RUSC2: variants seen among roughly 807,000 people sequenced by gnomAD.
The protein encoded by RUSC2 is RUN and SH3 domain containing 2.
In RUSC2, 34 loss-of-function variants were observed where a neutral mutation model predicts 122.2. That is an observed-to-expected ratio of 0.28 (90% confidence interval 0.21 to 0.37). The LOEUF (loss-of-function observed/expected upper bound fraction) is 0.37, where lower values mean the gene tolerates loss of function less well. Among genes scored for constraint, RUSC2 ranks in the 10% least tolerant of loss-of-function variants. RUSC2 has a pLI of 1.00. For missense variants in RUSC2, 1,747 were observed against 1,952.4 expected (o/e 0.89, Z 1.98); for synonymous variants, 784 against 790.0 (o/e 0.99, Z 0.13).
intron 2 of RUSC2, among the ~76,000 whole-genome samples, chr9:35,552,698 A>C (rs905751231): frequency 3.3e-5 from 5 of 152,244 alleles, no homozygotes; most frequent in African/African-American, 7.2e-5. Flanking sequence ...TGGGTACCAC[A>C]TCTTAAGAAG....
chr9:35,515,495 ATTG>A, intron 1 of RUSC2, among the ~76,000 whole-genome samples: 1 of 152,062 alleles, frequency 6.6e-6, no homozygotes, highest in Non-Finnish European at 1.5e-5. Flanking sequence ...GGATTTGCTT[ATTG>A]TTTTTCTCTA....
chr9:35,504,515 G>C (rs1425768196), intron 1 of RUSC2, among the ~76,000 whole-genome samples: 1 of 150,570 alleles, frequency 6.6e-6, no homozygotes, highest in Non-Finnish European at 1.5e-5. Context: ...GCCCAGGCTG[G>C]AGTGCAATGG....
intron 1 of RUSC2, among the ~76,000 whole-genome samples, chr9:35,539,692 C>G (rs1367366279): frequency 3.3e-5 from 5 of 152,138 alleles, no homozygotes; most frequent in East Asian, 1.9e-4. Flanking sequence ...GACCAGGGTG[C>G]CCCACAGTGT....
At chr9:35,525,628 G>A (rs1030651014) in intron 1 of RUSC2, among the ~76,000 whole-genome samples, 2 of 151,996 alleles carry the variant, frequency 1.3e-5, no homozygotes, top group Admixed American at 1.3e-4. Context: ...GCAAAACCCC[G>A]TCTCTACTAA....
chr9:35,546,933 C>A lies in RUSC2; in HGVS notation c.412C>A (p.Gln138Lys). 1.3e-6 allele frequency: 2 copies of A among 1,573,748 alleles called. No homozygotes were observed. Among genetic ancestry groups the A allele is most frequent in the South Asian group, 2.4e-5 (2 of 83,020 alleles). ...GTCCTTCCACCTGCATGGCACTGGC[C>A]AGCCCAACTTTCATCTATCCTCTTT... ...QQSFHLHGTG[Q>K]PNFHLSSFQL... is the part of the protein sequence containing the mutation. The change falls in exon 2 of 12, where the codon CAG becomes AAG. Residue 138 changes from glutamine to lysine, a missense_variant. Transcript: ENST00000361226. This position sits in a 1 kb window ranked among gnomAD's most constrained non-coding sequence, Gnocchi z 4.3.
rs17371809 is a variant in RUSC2 at position 35,557,807 on chromosome 9, G to C, written c.2984-107G>C. The stretch of plus-strand genomic sequence containing the variant: ...AAGACCCATGTGCAGATGTGGAGAC[G>C]GAGTAAGTGTGGGAGCCCTTTCCCT... On this transcript the variant is annotated intron_variant, in intron 5 of 11. Coordinates refer to ENST00000361226, the MANE Select transcript of RUSC2 (RefSeq NM_014806.5). This position sits in a 1 kb window ranked among gnomAD's most constrained non-coding sequence, Gnocchi z 4.6. 0.046 allele frequency: 40,085 copies of C among 864,646 alleles called. 1,114 individuals are homozygous for C. The highest frequency in any genetic ancestry group is 0.055 in the Non-Finnish European group (27,808 of 501,904). 53.6% of individuals were successfully genotyped at this position (864,646 alleles called of 1,614,324 possible).
chr9:35,520,531 A>T (rs1188787974), intron 1 of RUSC2, among the ~76,000 whole-genome samples: 4 of 151,922 alleles, frequency 2.6e-5, no homozygotes, highest in African/African-American at 9.7e-5. Context: ...GGGCATTCTG[A>T]TTGGATAGCA....
intron 1 of RUSC2, among the ~76,000 whole-genome samples, chr9:35,513,359 C>T (rs1049982105): frequency 1.3e-5 from 2 of 152,072 alleles, no homozygotes; most frequent in Non-Finnish European, 2.9e-5. Context: ...TCTCATGCCT[C>T]AGCCTCCCGA....
chr9:35,560,050 A>C lies in RUSC2; in HGVS notation c.3410A>C (p.Gln1137Pro). 1 of 1,601,312 alleles carries C rather than the reference A, an allele frequency of 6.2e-7. No individual in the cohort carries two copies. Reference protein sequence around the residue: ...NHEDIIQTHYQPWGFLSAAHT... With the variant: ...NHEDIIQTHYPPWGFLSAAHT... The stretch of plus-strand genomic sequence containing the variant: ...CTAGACATCATCCAGACCCACTACC[A>C]GCCCTGGGGCTTCCTGAGTGCAGCT... Residue 1137 changes from glutamine to proline, a missense_variant, in exon 10 of 12, where the codon CAG (glutamine) becomes CCG (proline). Physicochemically the swap from Gln to Pro is moderately conservative, Grantham distance 76. Transcript: ENST00000361226.
rs1272120682 is a variant in RUSC2, at chr9:35,558,168, T to C, written c.3061-29T>C. ...AGGACCACAGTCAGGCCTGAGGGGG[T>C]TTCCTGCACTTCCCTACCACACCTA... On this transcript the variant is annotated intron_variant, in intron 6 of 11. Coordinates refer to ENST00000361226, the MANE Select transcript of RUSC2 (RefSeq NM_014806.5). This position sits in a 1 kb window ranked among gnomAD's most constrained non-coding sequence, Gnocchi z 4.3. The C allele has an allele frequency of 1.2e-6, 2 of 1,601,406 alleles. No individual in the cohort carries two copies. The highest frequency in any genetic ancestry group is 2.2e-5 in the South Asian group (2 of 90,696).
At chr9:35,516,539 T>C (rs1268486876) in intron 1 of RUSC2, among the ~76,000 whole-genome samples, 1 of 152,192 alleles carries the variant, frequency 6.6e-6, no homozygotes, top group Non-Finnish European at 1.5e-5. Flanking sequence ...AGAATGATAA[T>C]GCAATAAGCT....
chr9:35,560,070 G>A lies in RUSC2; in HGVS notation c.3430G>A (p.Ala1144Thr), dbSNP rs1469946299. 1.2e-6 allele frequency: 2 copies of A among 1,612,628 alleles called. No individual in the cohort carries two copies. Among genetic ancestry groups the A allele is most frequent in the Non-Finnish European group, 1.7e-6 (2 of 1,178,878 alleles). ...THYQPWGFLS[A>T]AHTVCPGLFE... ...CTACCAGCCCTGGGGCTTCCTGAGT[G>A]CAGCTCATACCGTGTGTCCCGGCCT... The change falls in exon 10 of 12, where the codon GCA becomes ACA. Residue 1144 changes from alanine (A) to threonine (T), a missense_variant. By Grantham distance (58) the Ala-to-Thr change is moderately conservative. Transcript: ENST00000361226.
At chr9:35,496,100 G>T (rs905591938) in intron 1 of RUSC2, among the ~76,000 whole-genome samples, 1 of 152,180 alleles carries the variant, frequency 6.6e-6, no homozygotes, top group African/African-American at 2.4e-5. Context: ...CGAGTCAGTG[G>T]TTGAGTAAGC....
rs1338406784 is a variant in RUSC2, at chr9:35,555,121, G to A, written c.2076G>A (p.Leu692=). The A allele has an allele frequency of 6.2e-7, 1 of 1,613,566 alleles. No individual in the cohort carries two copies. Among genetic ancestry groups the A allele is most frequent in the Non-Finnish European group, 8.5e-7 (1 of 1,179,964 alleles). ...GCAAGGAACAGAGGCCAACCACACTGCCCATCCAGCCCTTCGTGTTCCAGC... is the reference window on the plus strand; with the variant it reads ...GCAAGGAACAGAGGCCAACCACACTACCCATCCAGCCCTTCGTGTTCCAGC... ...RYSKEQRPTT[L]PIQPFVFQHH... is the part of the protein sequence containing the mutation. Residue 692 remains leucine, a synonymous_variant, in exon 3 of 12, where the codon CTG becomes CTA. Transcript: ENST00000361226. The surrounding 1 kb of genome is among the most constrained non-coding windows in gnomAD (Gnocchi z 4.6).
At position 35,561,479 on chromosome 9, in the gene RUSC2, C is replaced by T. The variant is rs534574565; in HGVS notation, c.*97C>T. The T allele has an allele frequency of 4.3e-4, 453 of 1,047,018 alleles. No homozygotes were observed. The highest frequency in any genetic ancestry group is 5.9e-4 in the Non-Finnish European group (424 of 712,736). 64.9% of individuals were successfully genotyped at this position (1,047,018 alleles called of 1,614,324 possible). On this transcript the variant is annotated 3_prime_UTR_variant, in exon 12 of 12. Transcript: ENST00000361226. ...GCCATTGGCTTGGCTGCAGAGTAGA[C>T]TGAGAGCTGGGGCCACGTATCCCTG...
At chr9:35,552,217 T>C (rs1382263886) in intron 2 of RUSC2, among the ~76,000 whole-genome samples, 1 of 151,812 alleles carries the variant, frequency 6.6e-6, no homozygotes, top group Non-Finnish European at 1.5e-5. Context: ...AAAAATTAGC[T>C]AGGCATGGTG....
intron 1 of RUSC2, among the ~76,000 whole-genome samples, chr9:35,501,498 G>A (rs574730846): frequency 4.5e-4 from 68 of 152,282 alleles, no homozygotes; most frequent in African/African-American, 1.6e-3. Flanking sequence ...AATTGCTTGA[G>A]CCTGGGAGGC....
intron 1 of RUSC2, among the ~76,000 whole-genome samples, chr9:35,499,894 C>G (rs1374221040): frequency 1.3e-5 from 2 of 152,200 alleles, no homozygotes; most frequent in Non-Finnish European, 2.9e-5. Flanking sequence ...TGGGAACCTA[C>G]TACTAGTCCC....
chr9:35,503,540 A>C (rs1037801931), intron 1 of RUSC2, among the ~76,000 whole-genome samples: 2 of 152,082 alleles, frequency 1.3e-5, no homozygotes, highest in Non-Finnish European at 2.9e-5. Context: ...ATATTTTTGC[A>C]ATTGCCAATC....
Sources: allele counts gnomAD v4.1 joint callset (sites outside exome capture counted in the v4.1 genomes callset), GRCh38; gene constraint gnomAD v4.1.1; non-coding constraint Gnocchi (gnomAD v3.1); transcripts MANE v1.5; gene names NCBI Gene and HGNC (gene_info 2026-07-23, HGNC 2026-07-21).